Variants in HECTD2 observed in about 807,000 individuals in gnomAD.
HECTD2 encodes probable E3 ubiquitin-protein ligase HECTD2.
Under a neutral mutation model 103.2 loss-of-function variants are expected in HECTD2, and 35 were observed. The ratio of observed to expected loss-of-function variants is 0.34; its 90% CI spans 0.26 to 0.45. HECTD2 has a LOEUF of 0.45. HECTD2 is among the 20% of genes least tolerant of loss of function. The pLI is 1.00. For synonymous variants in HECTD2, 281 were observed against 329.9 expected, an observed-to-expected ratio of 0.85 and a Z score of 1.61; for missense variants, 596 against 937.4, an observed-to-expected ratio of 0.64 and a Z score of 4.76.
intron 8 of HECTD2, 46 bp from the exon 9 acceptor site, chr10:91,484,461 T>C: frequency 1.9e-6 from 3 of 1,579,774 alleles, no homozygotes; most frequent in African/African-American, 2.7e-5. Flanking sequence ...ATTTTGGAAA[T>C]AGAAAATGTG....
intron 2 of HECTD2, among the ~76,000 whole-genome samples, chr10:91,453,025 T>C (rs967749187): frequency 2.6e-5 from 4 of 152,140 alleles, no homozygotes; most frequent in African/African-American, 4.8e-5. Flanking sequence ...AACAGAAGTA[T>C]TGATAAATAC....
chr10:91,510,178 G>A (rs1373746884), intron 20 of HECTD2, among the ~76,000 whole-genome samples: 1 of 152,142 alleles, frequency 6.6e-6, no homozygotes, highest in African/African-American at 2.4e-5. Context: ...GTCATTAATT[G>A]TATTCAGAAT....
At chr10:91,445,633 A>G (rs1213196744) in intron 2 of HECTD2, among the ~76,000 whole-genome samples, 7 of 152,104 alleles carry the variant, frequency 4.6e-5, no homozygotes, top group Non-Finnish European at 7.4e-5. Flanking sequence ...TGCAGCTCCC[A>G]GTGAGATCAA....
chr10:91,413,698 G>A (rs1193350712), intron 1 of HECTD2, among the ~76,000 whole-genome samples: 1 of 152,192 alleles, frequency 6.6e-6, no homozygotes, highest in East Asian at 1.9e-4. Flanking sequence ...AGTTTGTGGA[G>A]CAGCGTTTGA....
chr10:91,455,262 CTAACTGGGTGT>C (rs1845032153), intron 2 of HECTD2, among the ~76,000 whole-genome samples: 1 of 152,146 alleles, frequency 6.6e-6, no homozygotes, highest in Non-Finnish European at 1.5e-5. Flanking sequence ...GATTGCCATT[CTAACTGGGTGT>C]GAGATGGTAT....
intron 20 of HECTD2, among the ~76,000 whole-genome samples, chr10:91,507,037 C>T (rs1847214150): frequency 6.6e-6 from 1 of 152,186 alleles, no homozygotes; most frequent in Non-Finnish European, 1.5e-5. Context: ...ATGATTATCT[C>T]AACAGATGCA....
intron 2 of HECTD2, among the ~76,000 whole-genome samples, chr10:91,439,821 G>C (rs1393321763): frequency 1.3e-5 from 2 of 151,996 alleles, no homozygotes; most frequent in African/African-American, 4.8e-5. Context: ...TGTATTGCTA[G>C]GTATTTTATT....
At chr10:91,428,299 G>A (rs1159338544) in intron 2 of HECTD2, among the ~76,000 whole-genome samples, 8 of 149,294 alleles carry the variant, frequency 5.4e-5, no homozygotes, top group African/African-American at 1.5e-4. Context: ...ATAGTTTGAA[G>A]TCAGGTAGCG....
In HECTD2 at chr10:91,499,083, C is replaced by G. The variant is rs747438901; in HGVS notation, c.1883C>G (p.Ser628Cys). 3 of 1,612,904 alleles carry G rather than the reference C, an allele frequency of 1.9e-6. No homozygotes were observed. Among genetic ancestry groups the G allele is most frequent in the Non-Finnish European group, 2.5e-6 (3 of 1,179,162 alleles). The part of the protein sequence containing the change: ...QLYTDFLLNK[S>C]IYKQFAAFYY... ...TATACTGACTTCCTTCTGAACAAATCCATCTATAAGCAGTTTGCTGCATTT... is the reference window on the plus strand; with the variant it reads ...TATACTGACTTCCTTCTGAACAAATGCATCTATAAGCAGTTTGCTGCATTT... Residue 628 changes from serine (S) to cysteine (C), a missense_variant, in exon 18 of 21, where the codon TCC becomes TGC. Physicochemically the swap from Ser to Cys is moderately radical, Grantham distance 112. Transcript: ENST00000298068.
At chr10:91,455,350 G>T (rs1234275334) in intron 2 of HECTD2, among the ~76,000 whole-genome samples, 1 of 152,100 alleles carries the variant, frequency 6.6e-6, no homozygotes, top group Non-Finnish European at 1.5e-5. Flanking sequence ...TCATGTGTCT[G>T]TTGGCTGCAT....
At chr10:91,505,111 T>A in intron 20 of HECTD2, among the ~76,000 whole-genome samples, 2 of 150,538 alleles carry the variant, frequency 1.3e-5, no homozygotes, top group East Asian at 2.0e-4. Context: ...CTAAAAGAGC[T>A]CCTGAAGGAA....
chr10:91,462,029 T>C (rs1436182650), intron 4 of HECTD2, 66 bp from the exon 5 acceptor site: 2 of 1,239,520 alleles, frequency 1.6e-6, no homozygotes, highest in African/African-American at 3.3e-5. Context: ...AATAGTATGG[T>C]TCAAATTTTA....
chr10:91,432,622 G>A (rs1001474867), intron 2 of HECTD2, among the ~76,000 whole-genome samples: 1 of 151,548 alleles, frequency 6.6e-6, no homozygotes, highest in Non-Finnish European at 1.5e-5. Flanking sequence ...TTTTTAAGTA[G>A]CACAGAATAT....
At chr10:91,496,109 A>G (rs1846653321) in intron 14 of HECTD2, 105 bp from the exon 15 acceptor site, 1 of 611,754 alleles carries the variant, frequency 1.6e-6, no homozygotes, top group Non-Finnish European at 2.8e-6. Context: ...TTAGAAAGTC[A>G]GTGTTAAATC....
intron 2 of HECTD2, among the ~76,000 whole-genome samples, chr10:91,445,412 T>A (rs1384692193): frequency 6.6e-6 from 1 of 152,154 alleles, no homozygotes. Flanking sequence ...TGCTGTGCCT[T>A]GAGTTTCAAT....
chr10:91,476,889 T>C (rs1845922917), intron 5 of HECTD2, among the ~76,000 whole-genome samples: 1 of 152,114 alleles, frequency 6.6e-6, no homozygotes, highest in African/African-American at 2.4e-5. Context: ...TAAAAACCCC[T>C]GCGGGTCCGG....
chr10:91,491,975 G>A (rs1228840709), intron 12 of HECTD2, among the ~76,000 whole-genome samples: 1 of 152,126 alleles, frequency 6.6e-6, no homozygotes, highest in Non-Finnish European at 1.5e-5. Flanking sequence ...CTCCCAAATA[G>A]TTGGGATTAC....
chr10:91,480,982 G>C (rs1846069364), intron 6 of HECTD2, 112 bp from the exon 7 acceptor site: 1 of 638,880 alleles, frequency 1.6e-6, no homozygotes, highest in Middle Eastern at 2.6e-4. Context: ...ATTAATCCTA[G>C]TTTTTGGCTT....
chr10:91,459,987 A>G lies in HECTD2; in HGVS notation c.269-440A>G, dbSNP rs996024917. ...ATTGTATGATGTCCACACAGTGACAAAATTGCCTACTGGCATGCTTCTTAG... is the reference window on the plus strand; with the variant it reads ...ATTGTATGATGTCCACACAGTGACAGAATTGCCTACTGGCATGCTTCTTAG... On this transcript the variant is annotated intron_variant, in intron 2 of 20. Coordinates refer to ENST00000298068, the MANE Select transcript of HECTD2 (RefSeq NM_182765.6). Among the ~76,000 whole-genome samples, 4 of 152,256 alleles carry G rather than the reference A, an allele frequency of 2.6e-5. No individual in the cohort carries two copies. In the South Asian group the frequency reaches 6.2e-4, roughly 24 times the overall value.
Sources: gnomAD v4.1 joint callset for allele counts (sites outside exome capture counted in the v4.1 genomes callset) on GRCh38, gnomAD v4.1.1 for gene constraint, MANE v1.5 for transcripts, NCBI Gene and HGNC (gene_info 2026-07-23, HGNC 2026-07-21) for gene names.